Variants in ZPLD1 observed in about 807,000 individuals in gnomAD.
ZPLD1 encodes zona pellucida like domain containing 1, also known as zona pellucida-like domain-containing protein 1.
ZPLD1 carries 34 observed loss-of-function variants against 47.2 expected under a neutral mutation model. That is an observed-to-expected ratio of 0.72 (90% CI 0.55 to 0.96). The LOEUF is 0.96. Ranked by LOEUF, ZPLD1 falls within the 40% of genes least tolerant of loss-of-function variation. The pLI, the probability that ZPLD1 is intolerant of heterozygous loss-of-function variation, is 0.00. For missense variants in ZPLD1, 512 were observed against 505.8 expected (o/e 1.01, Z -0.12); for synonymous variants, 176 against 186.2 (o/e 0.95, Z 0.45).
At chr3:102,423,510 A>G (rs531188954) in intron 8 of ZPLD1, among the ~76,000 whole-genome samples, 16 of 152,222 alleles carry the variant, frequency 1.1e-4, no homozygotes, top group African/African-American at 3.8e-4. Flanking sequence ...TAAACACAGA[A>G]TATTAATCTT....
At chr3:102,419,952 A>G (rs570918892) in intron 8 of ZPLD1, among the ~76,000 whole-genome samples, 1 of 147,334 alleles carries the variant, frequency 6.8e-6, no homozygotes, top group South Asian at 2.1e-4. Context: ...GGTCAAGGCT[A>G]TTAATTAAGC....
intron 6 of ZPLD1, among the ~76,000 whole-genome samples, chr3:102,458,947 G>T (rs1295350502): frequency 6.6e-6 from 1 of 151,678 alleles, no homozygotes; most frequent in East Asian, 1.9e-4. Flanking sequence ...AAAATTAGCC[G>T]GGCGTGGTGG....
chr3:102,456,042 T>A (rs1273464497), intron 4 of ZPLD1, 151 bp from the exon 5 acceptor site: 1 of 516,066 alleles, frequency 1.9e-6, no homozygotes, highest in East Asian at 3.4e-5. Flanking sequence ...ATTGCATTTC[T>A]CACTTATAAA....
At chr3:102,471,551 C>T (rs1576168595) in intron 10 of ZPLD1, among the ~76,000 whole-genome samples, 1 of 152,162 alleles carries the variant, frequency 6.6e-6, no homozygotes, top group East Asian at 1.9e-4. Context: ...CATACATGTA[C>T]CTACACACAT....
At chr3:102,424,811 A>G (rs1476536065) in intron 8 of ZPLD1, among the ~76,000 whole-genome samples, 1 of 152,154 alleles carries the variant, frequency 6.6e-6, no homozygotes, top group African/African-American at 2.4e-5. Flanking sequence ...ATTTGCTCCT[A>G]TACTATGCAA....
At chr3:102,433,311 C>G (rs960125481), upstream of ZPLD1, among the ~76,000 whole-genome samples, 3 of 152,170 alleles carry the variant, frequency 2.0e-5, no homozygotes, top group South Asian at 6.2e-4. Context: ...TTGCTCCGGG[C>G]GTGAATCCTG....
At chr3:102,462,239 G>T (rs753709801) in intron 6 of ZPLD1, 42 bp from the exon 7 acceptor site, 11 of 1,281,400 alleles carry the variant, frequency 8.6e-6, no homozygotes, top group Middle Eastern at 2.3e-4. Flanking sequence ...GTGTGCTGTT[G>T]TTGGGGAGGT....
chr3:102,474,169 A>T (rs150170865), intron 10 of ZPLD1, among the ~76,000 whole-genome samples: 1 of 152,334 alleles, frequency 6.6e-6, no homozygotes, highest in East Asian at 1.9e-4. Flanking sequence ...CCCCTCAAGA[A>T]AAATTTCCTG....
chr3:102,392,526 T>TCCTTCCTTCCTCCCTCCCTC (rs1706507747), intron 7 of ZPLD1, among the ~76,000 whole-genome samples: 1 of 150,562 alleles, frequency 6.6e-6, no homozygotes, highest in East Asian at 1.9e-4. Flanking sequence ...CTTCCTTCCT[T>TCCTTCCTTCCTCCCTCCCTC]CCTTCCTTCC....
chr3:102,422,346 A>G (rs1025972045), intron 8 of ZPLD1, among the ~76,000 whole-genome samples: 2 of 152,026 alleles, frequency 1.3e-5, no homozygotes, highest in African/African-American at 2.4e-5. Flanking sequence ...CTTGTGGGGA[A>G]CTATTCCTGG....
At chr3:102,456,080 A>G (rs1707408455) in intron 4 of ZPLD1, 113 bp from the exon 5 acceptor site, 1 of 761,248 alleles carries the variant, frequency 1.3e-6, no homozygotes, top group Admixed American at 3.4e-5. Context: ...TTCTCATTTT[A>G]TAGTTGAACT....
intron 7 of ZPLD1, among the ~76,000 whole-genome samples, chr3:102,397,046 C>G (rs1268815048): frequency 6.6e-6 from 1 of 152,024 alleles, no homozygotes; most frequent in Non-Finnish European, 1.5e-5. Context: ...ATAAATTCTA[C>G]TTAATAAAAA....
Position 102,401,441 on chromosome 3 carries a change from G to C in ZPLD1, c.-157+9216G>C, listed in dbSNP as rs374599223. On this transcript the variant is annotated intron_variant, in intron 7 of 17. Transcript: ENST00000491959. ...GTGTATGAAGTGCATACAATGTGAA[G>C]CTTTTGTTCTCATCTCCTCTGAATT... 3.3e-5 allele frequency among the ~76,000 whole-genome samples: 5 copies of C among 152,180 alleles called. No homozygotes were observed. In the South Asian group the frequency reaches 6.2e-4, roughly 19 times the overall value.
upstream of ZPLD1, among the ~76,000 whole-genome samples, chr3:102,431,558 A>G (rs531006359): frequency 6.6e-6 from 1 of 152,256 alleles, no homozygotes; most frequent in South Asian, 2.1e-4. Flanking sequence ...CAGTCTAGAC[A>G]CCCCATCAGA....
chr3:102,462,808 T>G (rs1294319514), intron 7 of ZPLD1, among the ~76,000 whole-genome samples: 1 of 152,044 alleles, frequency 6.6e-6, no homozygotes, highest in East Asian at 1.9e-4. Flanking sequence ...TAAAATGATC[T>G]CCAGAAACAT....
chr3:102,420,219 T>C (rs1706860749), intron 8 of ZPLD1, among the ~76,000 whole-genome samples: 1 of 151,940 alleles, frequency 6.6e-6, no homozygotes, highest in South Asian at 2.1e-4. Context: ...TGAATGAACA[T>C]GGTTTTTTAT....
chr3:102,396,784 C>T (rs771725254), intron 7 of ZPLD1, among the ~76,000 whole-genome samples: 2 of 152,134 alleles, frequency 1.3e-5, no homozygotes, highest in African/African-American at 4.8e-5. Context: ...TACTGAACAG[C>T]TCGGTGGTCT....
intron 7 of ZPLD1, among the ~76,000 whole-genome samples, chr3:102,410,109 T>C (rs1706733661): frequency 6.6e-6 from 1 of 151,836 alleles, no homozygotes; most frequent in Admixed American, 6.6e-5. Flanking sequence ...ATTTGATCAA[T>C]TGGAGAGTCT....
chr3:102,475,270 A>G (rs1707741411), intron 10 of ZPLD1, among the ~76,000 whole-genome samples: 1 of 152,100 alleles, frequency 6.6e-6, no homozygotes, highest in Admixed American at 6.6e-5. Flanking sequence ...ATTAATGACA[A>G]CTGAGATACT....
Sources: allele counts gnomAD v4.1 joint callset (sites outside exome capture counted in the v4.1 genomes callset), GRCh38; gene constraint gnomAD v4.1.1; transcripts MANE v1.5; gene names NCBI Gene and HGNC (gene_info 2026-07-23, HGNC 2026-07-21).